Variants in NAV1 observed in about 807,000 individuals in gnomAD.
The protein encoded by NAV1 is pore membrane and/or filament interacting like protein 3.
In NAV1, 18 loss-of-function variants were observed where a neutral mutation model predicts 175.2. The observed-to-expected ratio is 0.10, with a 90% CI of 0.07 to 0.15. NAV1 has a LOEUF of 0.15. NAV1 is among the 10% of genes least tolerant of loss of function. The pLI is 1.00. For synonymous variants in NAV1, 897 were observed against 978.7 expected, an observed-to-expected ratio of 0.92 and a Z score of 1.56; for missense variants, 1,731 against 2,436.6, an observed-to-expected ratio of 0.71 and a Z score of 6.10.
Position 201,540,025 on chromosome 1 carries a change from G to T in NAV1, c.-144+683G>T, listed in dbSNP as rs574080968. Among the ~76,000 whole-genome samples, 4 of 152,336 alleles carry T rather than the reference G, an allele frequency of 2.6e-5. No homozygotes were observed. In the South Asian group the frequency reaches 8.3e-4, roughly 32 times the overall value. ...GTGATCACGGGGAGCTCACCTGAGC[G>T]CTCCCGAGGCTTGGGCTCTGGTCCC... On this transcript the variant is annotated intron_variant, in intron 1 of 33. Coordinates refer to the NAV1 transcript ENST00000685211.
intron 3 of NAV1, among the ~76,000 whole-genome samples, chr1:201,771,502 A>G (rs1419391941): frequency 2.2e-5 from 1 of 46,506 alleles, no homozygotes; most frequent in Non-Finnish European, 4.5e-5. Flanking sequence ...TTCGTCTAGA[A>G]AAAAAAAAAA....
rs59583786 is a variant in NAV1, at chr1:201,765,381, C to CTTTTTTTTTTTTTTTTTTT, written c.1227-15036_1227-15018dup. ...ATGGGTTTGATCTTCAGGAAATATTCTTTTTTTTTTTTTTTTTTTTTTCTT... is the reference window on the plus strand; with the variant it reads ...ATGGGTTTGATCTTCAGGAAATATTCTTTTTTTTTTTTTTTTTTTTTTTTTTTTTTTTTTTTTTTTTCTT... On this transcript the variant is annotated intron_variant, in intron 3 of 29. Coordinates refer to ENST00000367296, the Ensembl canonical transcript of NAV1. Among the ~76,000 whole-genome samples, 23 of 98,620 alleles carry CTTTTTTTTTTTTTTTTTTT rather than the reference C, an allele frequency of 2.3e-4. 1 individual carries two copies. The highest frequency in any genetic ancestry group is 2.9e-4 in the Non-Finnish European group (15 of 51,952). The allele number at this position is 98,620 out of a possible 152,430, so 64.7% of individuals were successfully genotyped here. A position where few individuals can be genotyped will look rare whatever the true frequency, so the allele number is the denominator to read the frequency against.
intron 13 of NAV1, chr1:201,792,572 C>T (rs1372619665): frequency 1.3e-5 from 2 of 152,224 alleles, no homozygotes; most frequent in East Asian, 1.9e-4. Flanking sequence ...TGGGGCCTCT[C>T]ATGAGTAGTC....
intron 1 of NAV1, among the ~76,000 whole-genome samples, chr1:201,676,146 T>C (rs944579653): frequency 6.6e-6 from 1 of 152,106 alleles, no homozygotes; most frequent in African/African-American, 2.4e-5. Context: ...CTTTCTGAGA[T>C]AGGGTGTTAA....
At chr1:201,553,472 T>C (rs1021052971) in intron 1 of NAV1, among the ~76,000 whole-genome samples, 10 of 152,266 alleles carry the variant, frequency 6.6e-5, no homozygotes, top group Non-Finnish European at 1.5e-4. Flanking sequence ...CCACTGTGTG[T>C]TCCAACCGAG....
chr1:201,630,896 A>T (rs934305041), intron 2 of NAV1, among the ~76,000 whole-genome samples: 6 of 152,220 alleles, frequency 3.9e-5, no homozygotes, highest in African/African-American at 1.4e-4. Flanking sequence ...AATGATCTCC[A>T]TGCACCTAAC....
chr1:201,680,828 T>A (rs1475634118), intron 1 of NAV1, among the ~76,000 whole-genome samples: 2 of 152,126 alleles, frequency 1.3e-5, no homozygotes, highest in Non-Finnish European at 2.9e-5. Context: ...AGGAGAATGG[T>A]GGGCAGGGCT....
intron 3 of NAV1, chr1:201,739,570 C>A (rs982300584): frequency 6.2e-6 from 1 of 160,252 alleles, no homozygotes; most frequent in Non-Finnish European, 1.3e-5. Flanking sequence ...CTGCTCACAC[C>A]CCCTCCTGCC....
intron 1 of NAV1, among the ~76,000 whole-genome samples, chr1:201,680,305 T>C (rs979954928): frequency 6.6e-6 from 1 of 151,860 alleles, no homozygotes; most frequent in Non-Finnish European, 1.5e-5. Flanking sequence ...AGGTCAGGAG[T>C]TCGAGACCAG....
intron 2 of NAV1, among the ~76,000 whole-genome samples, chr1:201,613,364 A>G (rs1667909963): frequency 6.6e-6 from 1 of 152,162 alleles, no homozygotes; most frequent in Admixed American, 6.6e-5. Flanking sequence ...GAAAACATAA[A>G]TTTACGTTAA....
At chr1:201,547,925 C>G (rs1665715926) in intron 1 of NAV1, among the ~76,000 whole-genome samples, 1 of 152,138 alleles carries the variant, frequency 6.6e-6, no homozygotes, top group African/African-American at 2.4e-5. Context: ...TTCCGGGTAG[C>G]TGGGATTACG....
chr1:201,627,281 T>C (rs1668359037), intron 1 of NAV1, among the ~76,000 whole-genome samples: 3 of 149,810 alleles, frequency 2.0e-5, no homozygotes, highest in Admixed American at 1.3e-4. Context: ...TTCTTTTTCT[T>C]TTTTTTTTTG....
intron 2 of NAV1, among the ~76,000 whole-genome samples, chr1:201,643,054 G>A (rs557796575): frequency 9.9e-5 from 15 of 151,916 alleles, no homozygotes; most frequent in Non-Finnish European, 1.6e-4. Context: ...GATTACAGGT[G>A]TGAGCCACCG....
chr1:201,652,617 G>A (rs574458257), intron 1 of NAV1, among the ~76,000 whole-genome samples: 5 of 147,598 alleles, frequency 3.4e-5, no homozygotes, highest in Non-Finnish European at 6.1e-5. Context: ...TCTCTGTGTA[G>A]AAGTCCTAAG....
At chr1:201,693,598 A>T (rs1264497571) in intron 1 of NAV1, among the ~76,000 whole-genome samples, 1 of 152,094 alleles carries the variant, frequency 6.6e-6, no homozygotes, top group Non-Finnish European at 1.5e-5. Context: ...CCAGAGCTTG[A>T]AGGGGAGTGA....
chr1:201,793,723 C>T, intron 13 of NAV1, 69 bp from the exon 18 acceptor site: 2 of 1,353,664 alleles, frequency 1.5e-6, no homozygotes, highest in Non-Finnish European at 2.1e-6. Context: ...AAAACTATTT[C>T]CCATTGTCAG....
chr1:201,546,068 A>T (rs1456860972), intron 1 of NAV1, among the ~76,000 whole-genome samples: 2 of 152,176 alleles, frequency 1.3e-5, no homozygotes, highest in African/African-American at 4.8e-5. Flanking sequence ...TTTTCCTTTA[A>T]CAAAGGAGAG....
intron 1 of NAV1, among the ~76,000 whole-genome samples, chr1:201,556,852 T>C (rs542041204): frequency 2.6e-5 from 4 of 152,288 alleles, no homozygotes; most frequent in East Asian, 3.9e-4. Flanking sequence ...GACCTCTCAA[T>C]GGAGAGCCCT....
intron 2 of NAV1, among the ~76,000 whole-genome samples, chr1:201,599,974 G>A (rs953677525): frequency 3.3e-5 from 5 of 152,220 alleles, no homozygotes; most frequent in African/African-American, 1.2e-4. Context: ...GAGTTTTAAA[G>A]TCACAGGCCA....
Sources: gnomAD v4.1 joint callset for allele counts (sites outside exome capture counted in the v4.1 genomes callset) on GRCh38, gnomAD v4.1.1 for gene constraint, MANE v1.5 for transcripts, NCBI Gene and HGNC (gene_info 2026-07-23, HGNC 2026-07-21) for gene names.